The following ZNF320 variants were observed in gnomAD, a reference collection of about 807,000 sequenced individuals.
The protein encoded by ZNF320 is zinc finger protein 320, also known as zinc finger gene 320.
In ZNF320, 2 loss-of-function variants were observed where a neutral mutation model predicts 6.8. That is an observed-to-expected ratio of 0.29 (90% CI 0.12 to 0.93). The LOEUF (loss-of-function observed/expected upper bound fraction) is 0.93, where lower values mean the gene tolerates loss of function less well. ZNF320 is among the 40% of genes least tolerant of loss of function. ZNF320 has a pLI of 0.55. For missense variants in ZNF320, 472 were observed against 611.0 expected (o/e 0.77, Z 2.40); for synonymous variants, 208 against 203.2 (o/e 1.02, Z -0.20).
intron 5 of ZNF320, among the ~76,000 whole-genome samples, chr19:52,885,015 G>A (rs2064031056): frequency 6.6e-6 from 1 of 151,246 alleles, no homozygotes; most frequent in East Asian, 2.0e-4. Context: ...AGCTAACAAG[G>A]TAAAACCCCA....
Position 52,890,268 on chromosome 19 carries a change from T to A in ZNF320, c.-13A>T, listed in dbSNP as rs1270508886. ...GAGAAAGAGCCATCCCCGACTCCTT[T>A]GCTTTCCTCTTCCTCTTCTGGGTTT... On this transcript the variant is annotated 5_prime_UTR_variant, in exon 4 of 6. Transcript: ENST00000682928. 1 of 1,607,020 alleles carries A rather than the reference T, an allele frequency of 6.2e-7. No individual in the cohort carries two copies.
At position 52,881,033 on chromosome 19, in the gene ZNF320, C is replaced by A. The variant is rs927139676; in HGVS notation, c.1093G>T (p.Ala365Ser). The part of the protein sequence containing the change: ...KPYKCKVCDK[A>S]FRSDSRLAEH... ...GCAAGACGTGAATCACTCCGGAAAG[C>A]CTTGTCACAAACCTTACATTTGTAT... Residue 365 changes from alanine to serine, a missense_variant, in exon 6 of 6, where the codon GCT becomes TCT. Physicochemically the swap from Ala to Ser is moderately conservative, Grantham distance 99. Coordinates refer to ENST00000682928, the MANE Select transcript of ZNF320 (RefSeq NM_001351774.2). 6.2e-7 allele frequency: 1 copy of A among 1,613,822 alleles called. No individual in the cohort carries two copies. The highest frequency in any genetic ancestry group is 1.3e-5 in the African/African-American group (1 of 74,836).
chr19:52,881,013 A>G lies in ZNF320; in HGVS notation c.1113T>C (p.Arg371=), dbSNP rs1436320841. The G allele has an allele frequency of 3.1e-6, 5 of 1,612,854 alleles. No homozygotes were observed. The East Asian group carries it at 1.1e-4, about 36-fold the overall frequency. Residue 371 remains arginine, a synonymous_variant, in exon 6 of 6, where the codon CGT becomes CGC. Transcript: ENST00000682928. ...VCDKAFRSDS[R]LAEHQRVHTG... ...TATGAACTCTCTGATGTTCTGCAAG[A>G]CGTGAATCACTCCGGAAAGCCTTGT...
intron 1 of ZNF320, among the ~76,000 whole-genome samples, chr19:52,895,941 G>A (rs1006731123): frequency 1.3e-5 from 2 of 151,834 alleles, no homozygotes; most frequent in African/African-American, 2.4e-5. Context: ...AAATTTCATA[G>A]AGAAACTTTT....
intron 5 of ZNF320, among the ~76,000 whole-genome samples, chr19:52,887,153 T>C (rs1032657657): frequency 3.3e-5 from 5 of 152,102 alleles, no homozygotes; most frequent in Non-Finnish European, 1.5e-5. Flanking sequence ...GCAGAGAGTT[T>C]CCCCACACAC....
intron 5 of ZNF320, among the ~76,000 whole-genome samples, chr19:52,886,981 G>GGAAGGAAGGAAGGAAGGAAGGAAGGAAA (rs2064104448): frequency 1.3e-5 from 1 of 75,566 alleles, no homozygotes; most frequent in South Asian, 4.2e-4. Flanking sequence ...AAAGAAAGAA[G>GGAAGGAAGGAAGGAAGGAAGGAAGGAAA]GAAGGAAGGA....
chr19:52,865,467 ATATTAC>A lies in ZNF320; in HGVS notation c.224-1314_224-1309del, dbSNP rs200611772. 3.9e-3 allele frequency: 172 copies of A among 43,688 alleles called. 4 individuals carry two copies. Among genetic ancestry groups the A allele is most frequent in the African/African-American group, 7.1e-3 (81 of 11,414 alleles). 2.7% of individuals were successfully genotyped at this position (43,688 alleles called of 1,614,324 possible). A position where few individuals can be genotyped will look rare whatever the true frequency, so the allele number is the denominator to read the frequency against. On this transcript the variant is annotated intron_variant, in intron 5 of 5. Coordinates refer to the ZNF320 transcript ENST00000673631. Reference sequence around the variant, plus strand: ...ATATATATATGTAATACATATATATATATTACATATATATATAATACATATATATTA... The same window carrying A: ...ATATATATATGTAATACATATATATAATATATATATAATACATATATATTA...
chr19:52,860,210 C>A (rs569337785), downstream of ZNF320, among the ~76,000 whole-genome samples: 1 of 152,294 alleles, frequency 6.6e-6, no homozygotes, highest in East Asian at 1.9e-4. Context: ...CTGCACCTGG[C>A]CTGTTTTTCT....
At chr19:52,885,412 T>C (rs1334217684) in intron 5 of ZNF320, among the ~76,000 whole-genome samples, 1 of 151,658 alleles carries the variant, frequency 6.6e-6, no homozygotes, top group East Asian at 1.9e-4. Flanking sequence ...GTAAACCCTG[T>C]CTCTACCAAA....
chr19:52,874,085 A>C (rs778611721), downstream of ZNF320: 2 of 357,022 alleles, frequency 5.6e-6, no homozygotes, highest in Non-Finnish European at 1.1e-5. Context: ...GTATGTGAAA[A>C]AAATCAGAGA....
At chr19:52,871,375 C>T (rs1175603635), downstream of ZNF320, among the ~76,000 whole-genome samples, 1 of 152,040 alleles carries the variant, frequency 6.6e-6, no homozygotes, top group Non-Finnish European at 1.5e-5. Context: ...AAAAATTAGC[C>T]AGGCATCCTG....
intron 5 of ZNF320, among the ~76,000 whole-genome samples, chr19:52,882,275 T>A (rs559714260): frequency 6.6e-6 from 1 of 152,180 alleles, no homozygotes; most frequent in South Asian, 2.1e-4. Context: ...TCCTAAGGGG[T>A]ATCACACAGT....
In ZNF320 at chr19:52,888,112, G is replaced by T; in HGVS notation, c.142+15C>A. 3.8e-6 allele frequency: 6 copies of T among 1,596,100 alleles called. No homozygotes were observed. Among genetic ancestry groups the T allele is most frequent in the Non-Finnish European group, 5.1e-6 (6 of 1,175,042 alleles). ...CAAGGGCACATCCCCACTTCTGGAG[G>T]GAAGTTATCCTCACCCAGGGAGACC... On this transcript the variant is annotated intron_variant, in intron 5 of 5. Coordinates refer to ENST00000682928, the MANE Select transcript of ZNF320 (RefSeq NM_001351774.2).
chr19:52,874,052 A>G (rs755187934), downstream of ZNF320: 9 of 437,900 alleles, frequency 2.1e-5, 1 homozygote, highest in African/African-American at 4.2e-5. Context: ...CTCAAGTAAC[A>G]TAAGTCTCTG....
intron 2 of ZNF320, 60 bp from the exon 3 acceptor site, chr19:52,891,406 G>A (rs2064286977): frequency 6.7e-6 from 1 of 148,992 alleles, no homozygotes; most frequent in Non-Finnish European, 1.5e-5. Flanking sequence ...TAAAACCTGA[G>A]TAACATGATA....
At chr19:52,902,961 T>C in the ZNF320 span, among the ~76,000 whole-genome samples, 54,554 of 152,130 alleles carry the variant, frequency 0.36, 11,600 homozygotes, top group Non-Finnish European at 0.48. Flanking sequence ...GTTTTAAAAC[T>C]TGCTTAAACT....
intron 5 of ZNF320, 62 bp from the exon 6 acceptor site, chr19:52,882,045 G>C: frequency 6.9e-7 from 1 of 1,444,036 alleles, no homozygotes; most frequent in Non-Finnish European, 9.4e-7. Flanking sequence ...ACACTGAAAT[G>C]TATAAATATC....
At chr19:52,870,890 G>A (rs187999707) in intron 5 of ZNF320, among the ~76,000 whole-genome samples, 1 of 152,222 alleles carries the variant, frequency 6.6e-6, no homozygotes, top group Non-Finnish European at 1.5e-5. Flanking sequence ...GCTCAGGCCT[G>A]TAATCCCAGC....
At chr19:52,872,199 T>C (rs570126289), downstream of ZNF320, among the ~76,000 whole-genome samples, 6 of 152,326 alleles carry the variant, frequency 3.9e-5, no homozygotes, top group South Asian at 4.1e-4. Flanking sequence ...AAAAGAAAGT[T>C]TGGAGTCAGA....
Sources: allele counts gnomAD v4.1 joint callset (sites outside exome capture counted in the v4.1 genomes callset), GRCh38; gene constraint gnomAD v4.1.1; transcripts MANE v1.5; gene names NCBI Gene and HGNC (gene_info 2026-07-23, HGNC 2026-07-21).